The following RBSN variants were observed in gnomAD, a reference collection of about 807,000 sequenced individuals.
RBSN encodes rabenosyn-5.
A neutral mutation model predicts 60.5 loss-of-function variants in RBSN; 34 were observed. The ratio of observed to expected loss-of-function variants is 0.56; its 90% CI spans 0.43 to 0.75. RBSN has a LOEUF of 0.75. RBSN is among the 30% of genes least tolerant of loss of function. The pLI is 0.00. For missense variants in RBSN, 845 were observed against 986.8 expected (o/e 0.86, Z 1.92); for synonymous variants, 322 against 366.9 (o/e 0.88, Z 1.40).
chr3:15,087,995 T>G (rs2043393739), intron 5 of RBSN, among the ~76,000 whole-genome samples: 1 of 152,216 alleles, frequency 6.6e-6, no homozygotes, highest in Non-Finnish European at 1.5e-5. Context: ...AACTTTAATT[T>G]AGAATTCTTA....
At position 15,074,601 on chromosome 3, in the gene RBSN, A is replaced by G; in HGVS notation, c.1536T>C (p.Ala512=). The change falls in exon 14 of 14, where the codon GCT becomes GCC. Residue 512 remains alanine, a synonymous_variant. Transcript: ENST00000253699. This position sits in a 1 kb window ranked among gnomAD's most constrained non-coding sequence, Gnocchi z 6.4. Reference sequence around the variant, plus strand: ...GTTCCCGCTGCAGGTCCTCCTCCTCAGCCTGCCTCCGGGACAGCTCGATGG... The same window carrying G: ...GTTCCCGCTGCAGGTCCTCCTCCTCGGCCTGCCTCCGGGACAGCTCGATGG... ...EKAIELSRRQ[A]EEEDLQREQL... is the part of the protein sequence containing the mutation. 6.2e-7 allele frequency: 1 copy of G among 1,614,202 alleles called. No individual in the cohort carries two copies. Among genetic ancestry groups the G allele is most frequent in the Non-Finnish European group, 8.5e-7 (1 of 1,180,036 alleles).
chr3:15,085,116 A>T (rs919363880), intron 6 of RBSN, 71 bp from the exon 7 acceptor site: 36 of 1,543,904 alleles, frequency 2.3e-5, no homozygotes, highest in Non-Finnish European at 3.0e-5. Flanking sequence ...TTTCCAATAC[A>T]TCAAGTGGGA....
Position 15,075,787 on chromosome 3 carries a change from C to T in RBSN, c.1102-77G>A. Reference sequence around the variant, plus strand: ...GAACCTTAAGCCCCATGATGAGAGTCTGCTTAAGCTGAGCCACTCTGTTCT... The same window carrying T: ...GAACCTTAAGCCCCATGATGAGAGTTTGCTTAAGCTGAGCCACTCTGTTCT... On this transcript the variant is annotated intron_variant, in intron 12 of 13. Coordinates refer to ENST00000253699, the MANE Select transcript of RBSN (RefSeq NM_022340.4). The T allele has an allele frequency of 4.3e-6, 5 of 1,165,826 alleles. No homozygotes were observed. The South Asian group carries it at 6.3e-5, about 15-fold the overall frequency. 72.2% of individuals were successfully genotyped at this position (1,165,826 alleles called of 1,614,324 possible). A position where few individuals can be genotyped will look rare whatever the true frequency, so the allele number is the denominator to read the frequency against.
At chr3:15,090,258 C>T in intron 5 of RBSN, 141 bp downstream of exon 5, 1 of 884,382 alleles carries the variant, frequency 1.1e-6, no homozygotes, top group Non-Finnish European at 1.7e-6. Flanking sequence ...CATTTTCTTC[C>T]CCCAGCAAGG....
rs1397073379 is a variant in RBSN, at chr3:15,076,780, A to G, written c.1101+282T>C. On this transcript the variant is annotated intron_variant, in intron 12 of 13. Coordinates refer to ENST00000253699, the MANE Select transcript of RBSN (RefSeq NM_022340.4). ...TTAAAGAATGGCATATACAGTCAAT[A>G]TGCAGTATCGTAACTACTGTATATA... is the stretch of plus-strand genomic sequence containing the variant. 2.0e-5 allele frequency among the ~76,000 whole-genome samples: 3 copies of G among 152,242 alleles called. No homozygotes were observed. In the East Asian group the frequency reaches 5.8e-4, roughly 29 times the overall value.
chr3:15,075,565 C>A, intron 13 of RBSN, 41 bp downstream of exon 13: 1 of 1,557,770 alleles, frequency 6.4e-7, no homozygotes, highest in South Asian at 1.1e-5. Context: ...TGCTTGAGAG[C>A]CACAGGAGGA....
intron 2 of RBSN, among the ~76,000 whole-genome samples, chr3:15,097,556 T>C (rs1025107136): frequency 2.0e-5 from 3 of 151,996 alleles, no homozygotes; most frequent in Admixed American, 2.0e-4. Flanking sequence ...ATAAATTGAT[T>C]TGGGGCCTAA....
intron 4 of RBSN, chr3:15,091,376 C>T: frequency 8.7e-7 from 1 of 1,153,430 alleles, no homozygotes; most frequent in Non-Finnish European, 1.1e-6. Flanking sequence ...CATCCGTGGA[C>T]TGGTGTTCCC....
At chr3:15,080,672 G>T in intron 10 of RBSN, 60 bp downstream of exon 10, 1 of 1,519,474 alleles carries the variant, frequency 6.6e-7, no homozygotes, top group South Asian at 1.2e-5. Flanking sequence ...CTGGAGAATT[G>T]ACCTAAAATG....
chr3:15,088,138 G>A (rs1249712011), intron 5 of RBSN, among the ~76,000 whole-genome samples: 1 of 151,922 alleles, frequency 6.6e-6, no homozygotes, highest in Admixed American at 6.6e-5. Context: ...ATGAAACAAG[G>A]TATCACAAAC....
In RBSN at chr3:15,071,504, A is replaced by T. The variant is rs143334122; in HGVS notation, c.*2278T>A. On this transcript the variant is annotated 3_prime_UTR_variant, in exon 14 of 14. Coordinates refer to ENST00000253699, the MANE Select transcript of RBSN (RefSeq NM_022340.4). ...GGTTGCCAACTTCTCAAAACAACCCATAACAACCAGCAGGGTTGGTAACTG... is the reference window on the plus strand; with the variant it reads ...GGTTGCCAACTTCTCAAAACAACCCTTAACAACCAGCAGGGTTGGTAACTG... 1 of 152,322 alleles carries T rather than the reference A, an allele frequency of 6.6e-6. No homozygotes were observed. The highest frequency in any genetic ancestry group is 1.9e-4 in the East Asian group (1 of 5,184). The allele number at this position is 152,322 out of a possible 1,614,324, so 9.4% of individuals were successfully genotyped here.
In RBSN at chr3:15,084,559, GC is replaced by G. The variant is rs2043287828; in HGVS notation, c.598+175del. ...CCTGTTATAGACCACTGTATCCCTG[GC>G]CCCTAGCATAGTACCTAGTCTGTAG... On this transcript the variant is annotated intron_variant, in intron 8 of 13. Transcript: ENST00000253699. This position sits in a 1 kb window ranked among gnomAD's most constrained non-coding sequence, Gnocchi z 4.2. Among the ~76,000 whole-genome samples the G allele has an allele frequency of 6.6e-6, 1 of 152,150 alleles. No individual in the cohort carries two copies. The highest frequency in any genetic ancestry group is 2.1e-4 in the South Asian group (1 of 4,832).
At chr3:15,089,479 A>AAAAAAAAAAAAC (rs2043447537) in intron 5 of RBSN, among the ~76,000 whole-genome samples, 125 of 103,994 alleles carry the variant, frequency 1.2e-3, no homozygotes, top group Middle Eastern at 4.9e-3. Flanking sequence ...AAAAAAAAAC[A>AAAAAAAAAAAAC]AAAAAAAAAA....
In RBSN at chr3:15,082,565, G is replaced by C. The variant is rs372270419; in HGVS notation, c.642C>G (p.Thr214=). ...SASKESLSTH[T]SPSQSPNSVH... ...CACTGTTGGGTGACTGGCTGGGGCT[G>C]GTGTGGGTGCTCAGGGACTCCTTGC... Residue 214 remains threonine (T), a synonymous_variant, in exon 9 of 14, where the codon ACC becomes ACG. Coordinates refer to ENST00000253699, the MANE Select transcript of RBSN (RefSeq NM_022340.4). The surrounding 1 kb of genome is among the most constrained non-coding windows in gnomAD (Gnocchi z 4.2). 1.2e-6 allele frequency: 2 copies of C among 1,614,160 alleles called. No homozygotes were observed. The highest frequency in any genetic ancestry group is 2.2e-5 in the South Asian group (2 of 91,084).
At position 15,074,820 on chromosome 3, in the gene RBSN, C is replaced by A. The variant is rs1362460193; in HGVS notation, c.1317G>T (p.Lys439Asn). 6.2e-7 allele frequency: 1 copy of A among 1,614,246 alleles called. No homozygotes were observed. Residue 439 changes from lysine (K) to asparagine (N), a missense_variant, in exon 14 of 14, where the codon AAG (lysine) becomes AAT (asparagine). Lys to Asn is a moderately conservative substitution (Grantham distance 94). Transcript: ENST00000253699. This position sits in a 1 kb window ranked among gnomAD's most constrained non-coding sequence, Gnocchi z 6.4. Reference protein sequence around the residue: ...SLRRGPAPLRKAEGWLPLSGG... With the variant: ...SLRRGPAPLRNAEGWLPLSGG... ...CTGACAGTGGGAGCCAGCCCTCAGCCTTTCTCAAGGGGGCAGGGCCCCTGC... is the reference window on the plus strand; with the variant it reads ...CTGACAGTGGGAGCCAGCCCTCAGCATTTCTCAAGGGGGCAGGGCCCCTGC...
rs754116284 is a variant in RBSN, at chr3:15,078,167, G to A, written c.912-6C>T. 6.2e-7 allele frequency: 1 copy of A among 1,613,624 alleles called. No homozygotes were observed. Among genetic ancestry groups the A allele is most frequent in the Middle Eastern group, 1.6e-4 (1 of 6,062 alleles). ...TGTAGGTTGTCTCCCCAGCACTAAG[G>A]AGAAACCAGAGACACGTGACCTAAG... On this transcript the variant is annotated splice_region_variant and splice_polypyrimidine_tract_variant and intron_variant, in intron 10 of 13. Transcript: ENST00000253699.
Position 15,082,274 on chromosome 3 carries a change from C to A in RBSN, c.840+93G>T, listed in dbSNP as rs2043222363. 1 of 1,507,354 alleles carries A rather than the reference C, an allele frequency of 6.6e-7. No individual in the cohort carries two copies. Among genetic ancestry groups the A allele is most frequent in the African/African-American group, 1.4e-5 (1 of 72,710 alleles). 93.4% of individuals were successfully genotyped at this position (1,507,354 alleles called of 1,614,324 possible). A position where few individuals can be genotyped will look rare whatever the true frequency, so the allele number is the denominator to read the frequency against. Reference sequence around the variant, plus strand: ...TACAAATAATTCAAACGAACAACTTCCCAAAGCATTCTCCAGAATCTGCAG... The same window carrying A: ...TACAAATAATTCAAACGAACAACTTACCAAAGCATTCTCCAGAATCTGCAG... On this transcript the variant is annotated intron_variant, in intron 9 of 13. Coordinates refer to ENST00000253699, the MANE Select transcript of RBSN (RefSeq NM_022340.4). The surrounding 1 kb of genome is among the most constrained non-coding windows in gnomAD (Gnocchi z 4.2).
chr3:15,096,198 T>G lies in RBSN; in HGVS notation c.-78A>C. The G allele has an allele frequency of 2.2e-5, 31 of 1,431,614 alleles. No homozygotes were observed. The highest frequency in any genetic ancestry group is 2.5e-5 in the Non-Finnish European group (27 of 1,071,798). The allele number at this position is 1,431,614 out of a possible 1,614,324, so 88.7% of individuals were successfully genotyped here. On this transcript the variant is annotated 5_prime_UTR_variant, in exon 4 of 14. Coordinates refer to ENST00000253699, the MANE Select transcript of RBSN (RefSeq NM_022340.4). Reference sequence around the variant, plus strand: ...CTTGATTCCTCCCAAGGAACCATGGTTCCCGCAGCATTAGCTTAAGCAGCA... The same window carrying G: ...CTTGATTCCTCCCAAGGAACCATGGGTCCCGCAGCATTAGCTTAAGCAGCA...
intron 5 of RBSN, among the ~76,000 whole-genome samples, chr3:15,089,456 C>CAAAAAAAAAAAAAAAAA (rs757156425): frequency 1.9e-4 from 6 of 31,436 alleles, no homozygotes; most frequent in Non-Finnish European, 2.5e-4. Context: ...ACTCCATCTC[C>CAAAAAAAAAAAAAAAAA]AAAAAAAAAA....
Sources: allele counts gnomAD v4.1 joint callset (sites outside exome capture counted in the v4.1 genomes callset), GRCh38; gene constraint gnomAD v4.1.1; non-coding constraint Gnocchi (gnomAD v3.1); transcripts MANE v1.5; gene names NCBI Gene and HGNC (gene_info 2026-07-23, HGNC 2026-07-21).